RASSF6: variants seen among roughly 807,000 people sequenced by gnomAD.
RASSF6 encodes Ras association domain family member 6.
Under a neutral mutation model 44.0 loss-of-function variants are expected in RASSF6, and 52 were observed. The observed-to-expected ratio is 1.18, with a 90% confidence interval of 0.95 to 1.49. The LOEUF (loss-of-function observed/expected upper bound fraction) is 1.49, where lower values mean the gene tolerates loss of function less well. RASSF6 is among the 40% of genes most tolerant of loss of function. RASSF6 has a pLI of 0.00. For synonymous variants in RASSF6, 162 were observed against 124.6 expected (o/e 1.30, Z -2.00); for missense variants, 464 against 393.3 (o/e 1.18, Z -1.52).
rs11368217 is a variant in RASSF6, at chr4:73,598,726, T to TA, written c.66-9dup. Reference sequence around the variant, plus strand: ...AAAGAATTAAGTTGTTCCCTAAAAATAAAAAAAAATTAATTACAATCAGTC... The same window carrying TA: ...AAAGAATTAAGTTGTTCCCTAAAAATAAAAAAAAAATTAATTACAATCAGTC... On this transcript the variant is annotated splice_polypyrimidine_tract_variant and intron_variant, in intron 2 of 10. Coordinates refer to ENST00000307439, the MANE Select transcript of RASSF6 (RefSeq NM_177532.5). 9.9e-6 allele frequency: 11 copies of TA among 1,111,326 alleles called. No individual in the cohort carries two copies. In the African/African-American group the frequency reaches 1.8e-4, roughly 18 times the overall value. 68.8% of individuals were successfully genotyped at this position (1,111,326 alleles called of 1,614,324 possible). A position where few individuals can be genotyped will look rare whatever the true frequency, so the allele number is the denominator to read the frequency against.
chr4:73,582,813 C>G (rs1723775261), intron 6 of RASSF6, among the ~76,000 whole-genome samples: 1 of 150,290 alleles, frequency 6.7e-6, no homozygotes, highest in Admixed American at 6.8e-5. Context: ...TATACAGACA[C>G]AAACATTTAT....
chr4:73,608,334 A>G (rs1472411363), intron 2 of RASSF6, among the ~76,000 whole-genome samples: 2 of 152,074 alleles, frequency 1.3e-5, no homozygotes, highest in African/African-American at 4.8e-5. Context: ...AAATTTTACT[A>G]GGAATAACAG....
intron 4 of RASSF6, among the ~76,000 whole-genome samples, chr4:73,589,168 T>A (rs909925561): frequency 1.1e-4 from 16 of 152,136 alleles, no homozygotes; most frequent in African/African-American, 3.9e-4. Flanking sequence ...TCCTAATATA[T>A]TTGTTAATTT....
Position 73,576,508 on chromosome 4 carries a change from C to A in RASSF6, c.841-1G>T. 2 of 1,564,542 alleles carry A rather than the reference C, an allele frequency of 1.3e-6. No individual in the cohort carries two copies. Among genetic ancestry groups the A allele is most frequent in the Admixed American group, 3.8e-5 (2 of 53,174 alleles). ...AGTGAAAGTTAATGTACTGAGCCAC[C>A]TAAGAAAGAAGAAGAAGAAAAAAAA... On this transcript the variant is annotated splice_acceptor_variant, in intron 9 of 10. Transcript: ENST00000307439. LOFTEE classifies it high-confidence loss of function.
At chr4:73,598,760 T>G (rs1415420552) in intron 2 of RASSF6, 42 bp from the exon 3 acceptor site, 1 of 900,738 alleles carries the variant, frequency 1.1e-6, no homozygotes, top group South Asian at 1.7e-5. Context: ...TCTTAGAGTT[T>G]TTAACGTAAA....
intron 3 of RASSF6, 117 bp from the exon 4 acceptor site, chr4:73,593,710 G>A (rs909146911): frequency 1.1e-5 from 10 of 945,574 alleles, no homozygotes; most frequent in South Asian, 3.0e-5. Context: ...AAAAAGAAAC[G>A]CCAGGGTTGT....
At chr4:73,582,095 A>G (rs887509442) in intron 7 of RASSF6, 94 bp downstream of exon 7, 3 of 695,732 alleles carry the variant, frequency 4.3e-6, no homozygotes, top group African/African-American at 3.6e-5. Context: ...TTAGATTTAC[A>G]CCTTTATAGA....
intron 3 of RASSF6, among the ~76,000 whole-genome samples, chr4:73,596,830 G>A (rs1388090056): frequency 6.6e-6 from 1 of 152,020 alleles, no homozygotes; most frequent in Non-Finnish European, 1.5e-5. Flanking sequence ...ATATCTACAA[G>A]TATCTGATCT....
intron 2 of RASSF6, among the ~76,000 whole-genome samples, chr4:73,610,230 C>G (rs1725914733): frequency 6.6e-6 from 1 of 152,076 alleles, no homozygotes; most frequent in African/African-American, 2.4e-5. Flanking sequence ...TCTGGAAATC[C>G]TATTGTGTTG....
Position 73,575,931 on chromosome 4 carries a change from C to A in RASSF6, c.*304G>T, listed in dbSNP as rs75022496. ...GAGTCCAAGCTAAATGAAGTTTAAACTGCTTATCTGAAGACACCATTTAAA... is the reference window on the plus strand; with the variant it reads ...GAGTCCAAGCTAAATGAAGTTTAAAATGCTTATCTGAAGACACCATTTAAA... On this transcript the variant is annotated 3_prime_UTR_variant, in exon 11 of 11. Transcript: ENST00000307439. 1.7e-3 allele frequency: 348 copies of A among 201,082 alleles called. 1 individual carries two copies. The highest frequency in any genetic ancestry group is 7.8e-3 in the African/African-American group (338 of 43,372). The allele number at this position is 201,082 out of a possible 1,614,324, so 12.5% of individuals were successfully genotyped here. A position where few individuals can be genotyped will look rare whatever the true frequency, so the allele number is the denominator to read the frequency against.
intron 3 of RASSF6, among the ~76,000 whole-genome samples, chr4:73,594,591 C>A (rs1029927866): frequency 1.3e-5 from 2 of 152,262 alleles, no homozygotes; most frequent in East Asian, 3.9e-4. Flanking sequence ...TCAATAGGTG[C>A]TCTATATTAC....
intron 2 of RASSF6, among the ~76,000 whole-genome samples, chr4:73,603,092 GAAGAAAGA>G (rs376546916): frequency 6.6e-6 from 1 of 151,604 alleles, no homozygotes; most frequent in Non-Finnish European, 1.5e-5. Context: ...CGTCTCAAAA[GAAGAAAGA>G]AAGAAAGAAA....
At position 73,573,155 on chromosome 4, in the gene RASSF6, T is replaced by G. The variant is rs1332476252; in HGVS notation, c.*3080A>C. On this transcript the variant is annotated 3_prime_UTR_variant, in exon 11 of 11. Transcript: ENST00000307439. ...TCTTTTTTTTTTTTTAGAGACGGAG[T>G]CTTGCTCTGTCGTCCAGGCTGGAGA... The G allele has an allele frequency of 2.0e-5, 3 of 150,954 alleles. No homozygotes were observed. 9.4% of individuals were successfully genotyped at this position (150,954 alleles called of 1,614,324 possible).
chr4:73,577,917 A>G (rs1723342360), intron 8 of RASSF6, among the ~76,000 whole-genome samples: 1 of 152,134 alleles, frequency 6.6e-6, no homozygotes, highest in South Asian at 2.1e-4. Flanking sequence ...AGGTAATCTG[A>G]AATGAACTAC....
rs1392215863 is a variant in RASSF6, at chr4:73,587,938, AGAAGTAATAAAT to A, written c.288-16_288-5del. On this transcript the variant is annotated splice_polypyrimidine_tract_variant and splice_region_variant and intron_variant, in intron 4 of 10. Transcript: ENST00000307439. ...AAATTCCCCCCAGCGTGTCATTCTG[AGAAGTAATAAAT>A]CTTGTAAGTACATCAGTTCCATTTA... 5.7e-6 allele frequency: 9 copies of A among 1,589,434 alleles called. No individual in the cohort carries two copies. Among genetic ancestry groups the A allele is most frequent in the Non-Finnish European group, 7.8e-6 (9 of 1,159,266 alleles).
intron 1 of RASSF6, among the ~76,000 whole-genome samples, 195 bp downstream of exon 1, chr4:73,620,093 A>G (rs1450601653): frequency 6.7e-6 from 1 of 149,394 alleles, no homozygotes; most frequent in Non-Finnish European, 1.5e-5. Context: ...TCTCCCTCCC[A>G]CCCTACAAGC....
chr4:73,588,782 T>TATC (rs1560446393), intron 4 of RASSF6, among the ~76,000 whole-genome samples: 18 of 28,324 alleles, frequency 6.4e-4, no homozygotes, highest in African/African-American at 1.4e-3. Flanking sequence ...TCATCTCCAT[T>TATC]GTCATCATCA....
intron 4 of RASSF6, 121 bp downstream of exon 4, chr4:73,593,330 A>T: frequency 2.0e-6 from 2 of 1,025,378 alleles, no homozygotes; most frequent in Non-Finnish European, 2.8e-6. Context: ...CTGGGAAATT[A>T]AATGAGATTG....
At chr4:73,588,780 A>G (rs888718793) in intron 4 of RASSF6, among the ~76,000 whole-genome samples, 5 of 117,492 alleles carry the variant, frequency 4.3e-5, no homozygotes, top group Non-Finnish European at 8.7e-5. Context: ...CCTCATCTCC[A>G]TTGTCATCAT....
Sources: allele counts gnomAD v4.1 joint callset (sites outside exome capture counted in the v4.1 genomes callset), GRCh38; gene constraint gnomAD v4.1.1; transcripts MANE v1.5; gene names NCBI Gene and HGNC (gene_info 2026-07-23, HGNC 2026-07-21).